The following CAMK2D variants were observed in gnomAD, a reference collection of about 807,000 sequenced individuals.
The protein encoded by CAMK2D is calcium/calmodulin dependent protein kinase II delta, also known as calcium/calmodulin-dependent protein kinase type II subunit delta.
CAMK2D carries 37 observed loss-of-function variants against 84.0 expected under a neutral mutation model. That is an observed-to-expected ratio of 0.44 (90% CI 0.34 to 0.58). CAMK2D has a LOEUF of 0.58. Ranked by LOEUF, CAMK2D falls within the 20% of genes least tolerant of loss-of-function variation. The pLI, the probability that CAMK2D is intolerant of heterozygous loss-of-function variation, is 0.02. For missense variants in CAMK2D, 448 were observed against 652.5 expected (o/e 0.69, Z 3.41); for synonymous variants, 202 against 212.5 (o/e 0.95, Z 0.43).
chr4:113,528,817 T>C (rs2098439095), intron 8 of CAMK2D, among the ~76,000 whole-genome samples: 2 of 152,190 alleles, frequency 1.3e-5, no homozygotes, highest in Non-Finnish European at 2.9e-5. Context: ...CTATGTATGC[T>C]GGGAGCTGAT....
intron 4 of CAMK2D, among the ~76,000 whole-genome samples, chr4:113,592,875 G>T (rs1481891968): frequency 7.0e-6 from 1 of 143,716 alleles, no homozygotes; most frequent in African/African-American, 2.4e-5. Flanking sequence ...ATTTATTTAA[G>T]ACAGAGTCTC....
At chr4:113,471,334 G>A (rs2097544342) in intron 16 of CAMK2D, among the ~76,000 whole-genome samples, 1 of 151,932 alleles carries the variant, frequency 6.6e-6, no homozygotes, top group African/African-American at 2.4e-5. Flanking sequence ...TCACTCCTCT[G>A]GCTCTGACCG....
rs2097671984 is a variant in CAMK2D at position 113,479,467 on chromosome 4, G to GAAACCTC, written c.1136-13870_1136-13864dup. The stretch of plus-strand genomic sequence containing the variant: ...TATGTCTCAACTCAGAATTAATGTA[G>GAAACCTC]AAACCTCATAATTAATTCATTAATC... On this transcript the variant is annotated intron_variant, in intron 16 of 20. Transcript: ENST00000511664. Among the ~76,000 whole-genome samples the GAAACCTC allele has an allele frequency of 2.6e-5, 4 of 152,256 alleles. No homozygotes were observed. The South Asian group carries it at 8.3e-4, about 32-fold the overall frequency.
At chr4:113,502,811 G>T (rs2098073490) in intron 15 of CAMK2D, 125 bp downstream of exon 15, 2 of 697,478 alleles carry the variant, frequency 2.9e-6, no homozygotes, top group Non-Finnish European at 5.2e-6. Flanking sequence ...AGGCCCAAAA[G>T]GAAGTGTGGT....
intron 2 of CAMK2D, among the ~76,000 whole-genome samples, chr4:113,758,185 G>T (rs1430170202): frequency 6.6e-6 from 1 of 152,082 alleles, no homozygotes; most frequent in Non-Finnish European, 1.5e-5. Context: ...CTTCTCATTA[G>T]TTTTCATACC....
intron 3 of CAMK2D, among the ~76,000 whole-genome samples, chr4:113,646,012 A>C (rs1438618776): frequency 6.6e-6 from 1 of 152,222 alleles, no homozygotes; most frequent in Non-Finnish European, 1.5e-5. Flanking sequence ...TTGCTGACTC[A>C]TGTGGTTTGT....
intron 2 of CAMK2D, among the ~76,000 whole-genome samples, chr4:113,666,505 A>G (rs555681060): frequency 1.3e-5 from 2 of 152,178 alleles, no homozygotes; most frequent in Admixed American, 1.3e-4. Context: ...CAAGGGAGGG[A>G]TTTGGGCAAA....
intron 2 of CAMK2D, among the ~76,000 whole-genome samples, chr4:113,701,689 C>T (rs80117558): frequency 0.15 from 22,536 of 152,002 alleles, 2,779 homozygotes; most frequent in African/African-American, 0.33. Flanking sequence ...TGAGACCGTA[C>T]GTAGGTTTTA....
rs188141797 is a variant in CAMK2D, at chr4:113,632,177, T to C, written c.221-22971A>G. Among the ~76,000 whole-genome samples, 294 of 152,288 alleles carry C rather than the reference T, an allele frequency of 1.9e-3. 1 individual carries two copies. Among genetic ancestry groups the C allele is most frequent in the African/African-American group, 6.7e-3 (278 of 41,560 alleles). Reference sequence around the variant, plus strand: ...TCTCCAAATCCAAAACAATGAAATATCAAACTTCTCATAAATTCCCTCTCA... The same window carrying C: ...TCTCCAAATCCAAAACAATGAAATACCAAACTTCTCATAAATTCCCTCTCA... On this transcript the variant is annotated intron_variant, in intron 3 of 20. Coordinates refer to ENST00000511664, the MANE Select transcript of CAMK2D (RefSeq NM_001321571.2).
chr4:113,625,435 G>C (rs890313721), intron 3 of CAMK2D, among the ~76,000 whole-genome samples: 2 of 152,150 alleles, frequency 1.3e-5, no homozygotes, highest in African/African-American at 4.8e-5. Flanking sequence ...AGAAGGGAAA[G>C]AAAGGGTATT....
chr4:113,733,301 G>A (rs1288722397), intron 2 of CAMK2D, among the ~76,000 whole-genome samples: 1 of 152,188 alleles, frequency 6.6e-6, no homozygotes, highest in Non-Finnish European at 1.5e-5. Flanking sequence ...TATTAAAGGA[G>A]CCTTGGTCCT....
At position 113,688,910 on chromosome 4, in the gene CAMK2D, CAAAAAAA is replaced by C. The variant is rs34196728; in HGVS notation, c.161-27145_161-27139del. Among the ~76,000 whole-genome samples, 359 of 49,742 alleles carry C rather than the reference CAAAAAAA, an allele frequency of 7.2e-3. 4 individuals carry two copies. Among genetic ancestry groups the C allele is most frequent in the Middle Eastern group, 0.029 (1 of 34 alleles). 32.6% of individuals were successfully genotyped at this position (49,742 alleles called of 152,430 possible). ...AACAGATTAATATACAAAGAAGATGCAAAAAAAAAAAAAAAAAAAAAAAGGAAAGAGC... is the reference window on the plus strand; with the variant it reads ...AACAGATTAATATACAAAGAAGATGCAAAAAAAAAAAAAAAAGGAAAGAGC... On this transcript the variant is annotated intron_variant, in intron 2 of 20. Coordinates refer to ENST00000511664, the MANE Select transcript of CAMK2D (RefSeq NM_001321571.2).
chr4:113,547,572 A>T, intron 6 of CAMK2D, 72 bp downstream of exon 6: 1 of 972,968 alleles, frequency 1.0e-6, no homozygotes, highest in Non-Finnish European at 1.5e-6. Flanking sequence ...TTTTGCCTTT[A>T]CAGGCATAAT....
chr4:113,565,364 A>AC (rs1259868957), intron 4 of CAMK2D, among the ~76,000 whole-genome samples: 3 of 152,182 alleles, frequency 2.0e-5, no homozygotes, highest in African/African-American at 7.2e-5. Context: ...AGAAGTCAAA[A>AC]AAAAGGCTGG....
At chr4:113,674,581 T>C (rs996736202) in intron 2 of CAMK2D, among the ~76,000 whole-genome samples, 1 of 152,102 alleles carries the variant, frequency 6.6e-6, no homozygotes, top group Non-Finnish European at 1.5e-5. Flanking sequence ...GATTCCTCTA[T>C]GTGACAAACT....
chr4:113,749,585 G>C (rs1157351284), intron 2 of CAMK2D, among the ~76,000 whole-genome samples: 1 of 152,146 alleles, frequency 6.6e-6, no homozygotes, highest in Admixed American at 6.6e-5. Flanking sequence ...TACCTCTGTA[G>C]AATGGATCAA....
At chr4:113,585,535 C>T (rs1393171513) in intron 4 of CAMK2D, among the ~76,000 whole-genome samples, 1 of 152,046 alleles carries the variant, frequency 6.6e-6, no homozygotes, top group Non-Finnish European at 1.5e-5. Context: ...ACATCTTTAT[C>T]CTTTTTAACC....
Position 113,640,316 on chromosome 4 carries a change from G to A in CAMK2D, c.220+21397C>T, listed in dbSNP as rs541731317. On this transcript the variant is annotated intron_variant, in intron 3 of 20. Coordinates refer to ENST00000511664, the MANE Select transcript of CAMK2D (RefSeq NM_001321571.2). ...CTAATATATGAATGAAATGCCCTGC[G>A]TAGATTTAAGAGGTAGGCAGAAGGG... Among the ~76,000 whole-genome samples, 31 of 152,262 alleles carry A rather than the reference G, an allele frequency of 2.0e-4. No individual in the cohort carries two copies. In the South Asian group the frequency reaches 6.2e-3, roughly 31 times the overall value.
rs6831635 is a variant in CAMK2D, at chr4:113,618,783, T to A, written c.221-9577A>T. Among the ~76,000 whole-genome samples the A allele has an allele frequency of 5.5e-3, 834 of 152,322 alleles. 9 individuals are homozygous for A. Among genetic ancestry groups the A allele is most frequent in the African/African-American group, 0.019 (804 of 41,574 alleles). On this transcript the variant is annotated intron_variant, in intron 3 of 20. Transcript: ENST00000511664. ...ATCTGGGAAAAACATGGGAGTTATT[T>A]ATGAACTTGCTCATGAATTAGATGC...
Sources: allele counts gnomAD v4.1 joint callset (sites outside exome capture counted in the v4.1 genomes callset), GRCh38; gene constraint gnomAD v4.1.1; transcripts MANE v1.5; gene names NCBI Gene and HGNC (gene_info 2026-07-23, HGNC 2026-07-21).